The following GSE1 variants were observed in gnomAD, a reference collection of about 807,000 sequenced individuals.
The protein encoded by GSE1 is Gse1 coiled-coil protein, also known as genetic suppressor element 1.
A neutral mutation model predicts 112.6 loss-of-function variants in GSE1; 32 were observed. The ratio of observed to expected loss-of-function variants is 0.28; its 90% CI spans 0.21 to 0.38. The LOEUF (loss-of-function observed/expected upper bound fraction) is 0.38, where lower values mean the gene tolerates loss of function less well. Ranked by LOEUF, GSE1 falls within the 10% of genes least tolerant of loss-of-function variation. The pLI is 1.00. For synonymous variants in GSE1, 1,115 were observed against 735.6 expected, an observed-to-expected ratio of 1.52 and a Z score of -8.35; for missense variants, 2,348 against 1,699.2, an observed-to-expected ratio of 1.38 and a Z score of -6.71.
rs76254659 is a variant in GSE1 at position 85,557,347 on chromosome 16, C to T, written c.37+984C>T. On this transcript the variant is annotated intron_variant, in intron 1 of 2. Transcript: ENST00000635906. ...AATGAGCTGATTTTATTCCTCCCTC[C>T]CTCCGAGTTGATCTCCCTTGAGCTT... Among the ~76,000 whole-genome samples, 841 of 152,178 alleles carry T rather than the reference C, an allele frequency of 5.5e-3. 3 individuals carry two copies. The highest frequency in any genetic ancestry group is 0.018 in the African/African-American group (768 of 41,518).
At chr16:85,197,442 C>T (rs1309123771) in intron 1 of GSE1, among the ~76,000 whole-genome samples, 2 of 152,232 alleles carry the variant, frequency 1.3e-5, no homozygotes. Context: ...GTCTTTAACT[C>T]AATTCCTGTT....
intron 1 of GSE1, among the ~76,000 whole-genome samples, chr16:85,249,647 CCAG>C (rs1906237887): frequency 1.3e-5 from 2 of 152,196 alleles, no homozygotes; most frequent in Admixed American, 1.3e-4. Context: ...GGGCAGGCGT[CCAG>C]CTGCTCTGGG....
At chr16:85,633,868 G>A (rs780477042) in intron 1 of GSE1, 46 bp from the exon 2 acceptor site, 20 of 1,484,762 alleles carry the variant, frequency 1.3e-5, no homozygotes, top group South Asian at 2.3e-5. Flanking sequence ...GGTGCTGGGC[G>A]CTCCTGCTCT....
rs566948908 is a variant in GSE1, at chr16:85,261,477, G to A, written c.2283+89670G>A. 6.6e-5 allele frequency among the ~76,000 whole-genome samples: 10 copies of A among 152,356 alleles called. 1 individual carries two copies. The South Asian group carries it at 1.7e-3, about 25-fold the overall frequency. On this transcript the variant is annotated intron_variant, in intron 1 of 2. Coordinates refer to the GSE1 transcript ENST00000637419. ...CCCTTATCCCGCAGAGGAGGAGGGCGCAGAGTGGGTAGGCACATCTCCGAG... is the reference window on the plus strand; with the variant it reads ...CCCTTATCCCGCAGAGGAGGAGGGCACAGAGTGGGTAGGCACATCTCCGAG...
intron 1 of GSE1, among the ~76,000 whole-genome samples, chr16:85,337,272 A>C (rs1338714363): frequency 6.8e-6 from 1 of 146,848 alleles, no homozygotes; most frequent in Non-Finnish European, 1.5e-5. Context: ...GAGGCCCTGC[A>C]CTTGGGCTCA....
At chr16:85,325,315 T>C (rs1390866270) in intron 1 of GSE1, among the ~76,000 whole-genome samples, 1 of 152,154 alleles carries the variant, frequency 6.6e-6, no homozygotes, top group Non-Finnish European at 1.5e-5. Flanking sequence ...GGGGCAGGCC[T>C]TGGGCCTGGA....
intron 2 of GSE1, among the ~76,000 whole-genome samples, chr16:85,461,521 C>T (rs918588741): frequency 1.3e-5 from 2 of 152,094 alleles, no homozygotes; most frequent in Non-Finnish European, 1.5e-5. Context: ...GGGGAGGGGG[C>T]GCTGTGGTTT....
At chr16:85,377,706 T>C (rs2151612936) in intron 2 of GSE1, among the ~76,000 whole-genome samples, 1 of 152,344 alleles carries the variant, frequency 6.6e-6, no homozygotes, top group Admixed American at 6.5e-5. Flanking sequence ...GGCTCCCCTC[T>C]GTTGTTCCCG....
intron 2 of GSE1, among the ~76,000 whole-genome samples, chr16:85,503,838 C>T (rs922547048): frequency 2.0e-5 from 3 of 152,174 alleles, no homozygotes; most frequent in African/African-American, 7.2e-5. Flanking sequence ...CACCCGTGAA[C>T]CCATTAGCTG....
intron 1 of GSE1, among the ~76,000 whole-genome samples, chr16:85,268,528 G>C (rs1908496704): frequency 6.6e-6 from 1 of 152,094 alleles, no homozygotes; most frequent in Non-Finnish European, 1.5e-5. Flanking sequence ...TTTGGGCTGC[G>C]AGCCATGTAG....
intron 2 of GSE1, among the ~76,000 whole-genome samples, chr16:85,527,187 G>T (rs1267624445): frequency 6.6e-6 from 1 of 152,196 alleles, no homozygotes; most frequent in African/African-American, 2.4e-5. Context: ...CTTCCCCCTC[G>T]TGAGGAACCG....
chr16:85,636,855 T>C (rs1282585929), intron 2 of GSE1, among the ~76,000 whole-genome samples: 1 of 152,196 alleles, frequency 6.6e-6, no homozygotes, highest in African/African-American at 2.4e-5. Context: ...ACGCTGACCC[T>C]GCCTCCCTGT....
At chr16:85,468,931 A>C (rs754517719) in intron 2 of GSE1, among the ~76,000 whole-genome samples, 2 of 152,192 alleles carry the variant, frequency 1.3e-5, no homozygotes, top group East Asian at 1.9e-4. Flanking sequence ...TAATTAATTA[A>C]GCCTCTTGAG....
rs767408738 is a variant in GSE1, at chr16:85,656,404, CGT to C, written c.1053_1054del (p.Glu352GlyfsTer2). 559 of 1,540,250 alleles carry C rather than the reference CGT, an allele frequency of 3.6e-4. 7 individuals carry two copies. In the East Asian group the frequency reaches 0.012, roughly 32 times the overall value. On this transcript the variant is annotated frameshift_variant, in exon 7 of 16. Transcript: ENST00000253458. LOFTEE classifies it high-confidence loss of function. ...GCGCGAGCGCGAGCGCGAGCGTGAG[CGT>C]GAGGCTGACCGCGAGCGGGAGAAGG... The part of the protein sequence containing the change: ...RERERERERE[R>X]EADREREKER...
chr16:85,610,617 T>G (rs1415180912), upstream of GSE1, among the ~76,000 whole-genome samples: 1 of 152,176 alleles, frequency 6.6e-6, no homozygotes, highest in East Asian at 1.9e-4. Context: ...CATCTCCCCC[T>G]TGCCAGCCCG....
chr16:85,250,618 C>A (rs957287967), intron 1 of GSE1, among the ~76,000 whole-genome samples: 6 of 152,318 alleles, frequency 3.9e-5, no homozygotes, highest in Admixed American at 2.0e-4. Context: ...TGAAAAATGG[C>A]ATTTTGTAAG....
chr16:85,480,457 C>T (rs1477257494), intron 2 of GSE1, among the ~76,000 whole-genome samples: 1 of 152,198 alleles, frequency 6.6e-6, no homozygotes, highest in Non-Finnish European at 1.5e-5. Context: ...CCGCCACCTC[C>T]ACTCCACCCT....
At chr16:85,529,255 C>T (rs904555844) in intron 2 of GSE1, among the ~76,000 whole-genome samples, 6 of 152,132 alleles carry the variant, frequency 3.9e-5, no homozygotes, top group East Asian at 1.9e-4. Flanking sequence ...GTGTGTGGCC[C>T]GGAAGGCCAC....
chr16:85,283,908 A>G (rs1455949176), intron 1 of GSE1, among the ~76,000 whole-genome samples: 4 of 152,170 alleles, frequency 2.6e-5, no homozygotes, highest in Admixed American at 2.0e-4. Context: ...TCCAGCATCC[A>G]TGCTTTTATC....
Sources: allele counts gnomAD v4.1 joint callset (sites outside exome capture counted in the v4.1 genomes callset), GRCh38; gene constraint gnomAD v4.1.1; transcripts MANE v1.5; gene names NCBI Gene and HGNC (gene_info 2026-07-23, HGNC 2026-07-21).